Variants in VPS41 observed in about 807,000 individuals in gnomAD.
VPS41 encodes the protein VPS41 subunit of HOPS complex.
Under a neutral mutation model 130.9 loss-of-function variants are expected in VPS41, and 85 were observed. The observed-to-expected ratio is 0.65, with a 90% CI of 0.55 to 0.78. VPS41 has a LOEUF of 0.78. VPS41 is among the 30% of genes least tolerant of loss of function. The probability of loss-of-function intolerance (pLI) is 0.00; values close to 1 mark genes in which losing one functional copy is unlikely to be tolerated. For synonymous variants in VPS41, 335 were observed against 332.9 expected (o/e 1.01, Z -0.07); for missense variants, 874 against 1,018.7 (o/e 0.86, Z 1.93).
chr7:38,873,678 T>C (rs2116354771), intron 2 of VPS41, among the ~76,000 whole-genome samples: 1 of 152,296 alleles, frequency 6.6e-6, no homozygotes, highest in African/African-American at 2.4e-5. Flanking sequence ...GAGTGACATT[T>C]ACCCATACAA....
At chr7:38,744,409 G>A (rs1174137617) in intron 23 of VPS41, among the ~76,000 whole-genome samples, 1 of 152,080 alleles carries the variant, frequency 6.6e-6, no homozygotes, top group Non-Finnish European at 1.5e-5. Context: ...GCTGGCTTGT[G>A]AATGAAATGA....
intron 15 of VPS41, 102 bp downstream of exon 15, chr7:38,767,435 T>A: frequency 1.6e-6 from 1 of 639,384 alleles, no homozygotes; most frequent in Non-Finnish European, 2.5e-6. Context: ...TAGAAAGATG[T>A]ACAAAAATAA....
At chr7:38,867,412 G>A (rs2116331652) in intron 3 of VPS41, among the ~76,000 whole-genome samples, 1 of 152,214 alleles carries the variant, frequency 6.6e-6, no homozygotes, top group East Asian at 1.9e-4. Context: ...AGGTGTGGTG[G>A]CAGGTGCCTG....
intron 4 of VPS41, among the ~76,000 whole-genome samples, chr7:38,846,808 A>G (rs552128013): frequency 6.6e-6 from 1 of 152,324 alleles, no homozygotes; most frequent in South Asian, 2.1e-4. Flanking sequence ...ATGAGCTAAA[A>G]GAAGCATCAA....
intron 10 of VPS41, among the ~76,000 whole-genome samples, chr7:38,785,020 G>T (rs1279995532): frequency 6.6e-6 from 1 of 152,150 alleles, no homozygotes; most frequent in Non-Finnish European, 1.5e-5. Context: ...TTACAAATAA[G>T]AACAATTACC....
At chr7:38,878,100 G>A (rs1452159968) in intron 2 of VPS41, among the ~76,000 whole-genome samples, 1 of 152,090 alleles carries the variant, frequency 6.6e-6, no homozygotes, top group Non-Finnish European at 1.5e-5. Context: ...CCATGGTCTG[G>A]GAGTCCAGCC....
At chr7:38,845,196 A>C (rs1415800013) in intron 4 of VPS41, among the ~76,000 whole-genome samples, 3 of 152,238 alleles carry the variant, frequency 2.0e-5, no homozygotes, top group Non-Finnish European at 4.4e-5. Context: ...AGCACCAGAC[A>C]GTGACTATGT....
At chr7:38,774,445 G>A (rs1020599794) in intron 11 of VPS41, among the ~76,000 whole-genome samples, 1 of 151,746 alleles carries the variant, frequency 6.6e-6, no homozygotes, top group African/African-American at 2.4e-5. Flanking sequence ...CTTACAATCA[G>A]AAAACATTCC....
chr7:38,886,680 C>T (rs144806803), intron 2 of VPS41, among the ~76,000 whole-genome samples: 1,557 of 152,342 alleles, frequency 0.01, 6 homozygotes, highest in Non-Finnish European at 0.014. Context: ...TCTCCCAGCA[C>T]GGCATTTGAG....
At position 38,726,062 on chromosome 7, in the gene VPS41, C is replaced by A. The variant is rs925569185; in HGVS notation, c.*184G>T. 1.1e-5 allele frequency: 6 copies of A among 559,298 alleles called. No homozygotes were observed. The highest frequency in any genetic ancestry group is 1.9e-5 in the African/African-American group (1 of 52,996). 34.6% of individuals were successfully genotyped at this position (559,298 alleles called of 1,614,324 possible). A position where few individuals can be genotyped will look rare whatever the true frequency, so the allele number is the denominator to read the frequency against. On this transcript the variant is annotated 3_prime_UTR_variant, in exon 29 of 29. Coordinates refer to ENST00000310301, the MANE Select transcript of VPS41 (RefSeq NM_014396.4). The stretch of plus-strand genomic sequence containing the variant: ...CCAAAATTTCAAGGCATGAAGAGAG[C>A]CCCAAATTCTCTGTGAACTGCAAAG...
chr7:38,795,705 C>A, intron 8 of VPS41, 94 bp from the exon 9 acceptor site: 2 of 1,157,680 alleles, frequency 1.7e-6, no homozygotes, highest in Non-Finnish European at 2.4e-6. Flanking sequence ...CAATAACCAG[C>A]ACGGAGAAAT....
chr7:38,824,083 A>G (rs1785224065), intron 5 of VPS41, among the ~76,000 whole-genome samples: 1 of 152,124 alleles, frequency 6.6e-6, no homozygotes, highest in East Asian at 1.9e-4. Flanking sequence ...TGAATCAACA[A>G]ATGGCCACCT....
chr7:38,855,189 A>AC (rs1357814308), intron 4 of VPS41, among the ~76,000 whole-genome samples: 3 of 140,082 alleles, frequency 2.1e-5, no homozygotes, highest in Non-Finnish European at 3.1e-5. Context: ...CAGCCTGCTG[A>AC]CAGAGTGAGA....
At chr7:38,907,608 C>T (rs1787296170) in intron 1 of VPS41, among the ~76,000 whole-genome samples, 1 of 152,090 alleles carries the variant, frequency 6.6e-6, no homozygotes, top group African/African-American at 2.4e-5. Flanking sequence ...AAATGTGAAA[C>T]ATTATTATAT....
At chr7:38,730,309 T>A (rs1795637670) in intron 25 of VPS41, among the ~76,000 whole-genome samples, 2 of 152,232 alleles carry the variant, frequency 1.3e-5, no homozygotes. Flanking sequence ...TGCAGCCCTC[T>A]ATCCTCAGTG....
In VPS41 at chr7:38,838,939, C is replaced by G. The variant is rs949040618; in HGVS notation, c.247-8611G>C. Among the ~76,000 whole-genome samples the G allele has an allele frequency of 2.6e-5, 4 of 152,220 alleles. No homozygotes were observed. The East Asian group carries it at 7.7e-4, about 29-fold the overall frequency. On this transcript the variant is annotated intron_variant, in intron 4 of 28. Transcript: ENST00000310301. ...CCACCTTAAGCTATCAGTCCCCCAA[C>G]AGTGAACCCAAGAAATCAATCTCCT...
At chr7:38,780,187 G>T (rs80333350) in intron 10 of VPS41, among the ~76,000 whole-genome samples, 7 of 134,790 alleles carry the variant, frequency 5.2e-5, no homozygotes, top group Admixed American at 3.0e-4. Context: ...TTTGGTTTTT[G>T]TTTTTTTTTT....
intron 27 of VPS41, 65 bp from the exon 28 acceptor site, chr7:38,727,053 C>T (rs553073963): frequency 2.2e-4 from 308 of 1,390,360 alleles, no homozygotes; most frequent in Non-Finnish European, 2.8e-4. Flanking sequence ...TTAAACCAAT[C>T]CCGACTGAAA....
intron 1 of VPS41, among the ~76,000 whole-genome samples, chr7:38,898,705 C>A (rs150519868): frequency 6.6e-6 from 1 of 152,124 alleles, no homozygotes; most frequent in Non-Finnish European, 1.5e-5. Context: ...GTTTCCCTCT[C>A]GCTAGACAAT....
Sources: gnomAD v4.1 joint callset for allele counts (sites outside exome capture counted in the v4.1 genomes callset) on GRCh38, gnomAD v4.1.1 for gene constraint, MANE v1.5 for transcripts, NCBI Gene and HGNC (gene_info 2026-07-23, HGNC 2026-07-21) for gene names.